EPB41L2: variants seen among roughly 807,000 people sequenced by gnomAD.
EPB41L2 encodes erythrocyte membrane protein band 4.1 like 2.
In EPB41L2, 43 loss-of-function variants were observed where a neutral mutation model predicts 113.0. That is an observed-to-expected ratio of 0.38 (90% CI 0.30 to 0.49). The LOEUF (loss-of-function observed/expected upper bound fraction) is 0.49, where lower values mean the gene tolerates loss of function less well. EPB41L2 is among the 20% of genes least tolerant of loss of function. The pLI, the probability that EPB41L2 is intolerant of heterozygous loss-of-function variation, is 0.95. For synonymous variants in EPB41L2, 442 were observed against 436.7 expected (o/e 1.01, Z -0.15); for missense variants, 1,147 against 1,223.4 (o/e 0.94, Z 0.93).
At chr6:130,866,453 CT>C (rs1783775379) in intron 16 of EPB41L2, among the ~76,000 whole-genome samples, 1 of 152,180 alleles carries the variant, frequency 6.6e-6, no homozygotes, top group African/African-American at 2.4e-5. Context: ...CTCTTTCAAA[CT>C]TGGGTCATGC....
chr6:130,882,807 GGGAGGGGAAGCC>G (rs1562382706), intron 12 of EPB41L2: 2 of 152,874 alleles, frequency 1.3e-5, no homozygotes, highest in African/African-American at 4.8e-5. Flanking sequence ...TCATCAAGAA[GGGAGGGGAAGCC>G]GGAGGGAAAA....
chr6:130,908,626 T>C (rs1260488669), intron 5 of EPB41L2, among the ~76,000 whole-genome samples, 195 bp downstream of exon 5: 4 of 152,304 alleles, frequency 2.6e-5, no homozygotes, highest in Admixed American at 2.6e-4. Flanking sequence ...AATGTGAGTC[T>C]AGAACCTTCC....
At chr6:130,997,542 C>T (rs1783427923) in intron 1 of EPB41L2, among the ~76,000 whole-genome samples, 1 of 152,164 alleles carries the variant, frequency 6.6e-6, no homozygotes, top group African/African-American at 2.4e-5. Flanking sequence ...TATATGACAA[C>T]TGTTACTGTC....
intron 18 of EPB41L2, among the ~76,000 whole-genome samples, chr6:130,861,196 C>G (rs908124241): frequency 6.6e-6 from 1 of 152,008 alleles, no homozygotes; most frequent in African/African-American, 2.4e-5. Context: ...CCTCAGCCTC[C>G]CAAGTAGCTG....
At position 130,894,990 on chromosome 6, in the gene EPB41L2, A is replaced by G. The variant is rs922231868; in HGVS notation, c.1366T>C (p.Tyr456His). The G allele has an allele frequency of 3.1e-6, 5 of 1,613,940 alleles. No homozygotes were observed. The highest frequency in any genetic ancestry group is 1.7e-4 in the Middle Eastern group (1 of 6,056). ...ACCTCTGCCGGTCTGACTTTAATGTAGAAGTTACTGCGTTTATAGGAAATT... is the reference window on the plus strand; with the variant it reads ...ACCTCTGCCGGTCTGACTTTAATGTGGAAGTTACTGCGTTTATAGGAAATT... ...LKISYKRSNF[Y>H]IKVRPAELEQ... Residue 456 changes from tyrosine to histidine, a missense_variant, in exon 9 of 20, where the codon TAC becomes CAC. Physicochemically the swap from Tyr to His is moderately conservative, Grantham distance 83. Transcript: ENST00000337057.
chr6:130,873,417 C>G (rs1369822307), intron 14 of EPB41L2, among the ~76,000 whole-genome samples: 2 of 152,066 alleles, frequency 1.3e-5, no homozygotes, highest in African/African-American at 2.4e-5. Context: ...TGAAGCACCC[C>G]CTCATGTCAG....
At chr6:130,879,783 T>C (rs1036682476) in intron 13 of EPB41L2, among the ~76,000 whole-genome samples, 4 of 152,248 alleles carry the variant, frequency 2.6e-5, no homozygotes, top group Admixed American at 1.3e-4. Context: ...ATCTCTGTTC[T>C]AGTTAATACA....
intron 1 of EPB41L2, among the ~76,000 whole-genome samples, chr6:131,059,999 T>C (rs1348644691): frequency 6.6e-6 from 1 of 152,214 alleles, no homozygotes; most frequent in Non-Finnish European, 1.5e-5. Flanking sequence ...GTGGTATTGA[T>C]CCCTATAAAC....
At chr6:131,054,971 T>C (rs575694163) in intron 1 of EPB41L2, among the ~76,000 whole-genome samples, 2 of 152,366 alleles carry the variant, frequency 1.3e-5, no homozygotes, top group African/African-American at 4.8e-5. Flanking sequence ...CATGACTGCC[T>C]TCAGCATTCC....
chr6:131,055,202 T>A (rs1797370071), intron 1 of EPB41L2, among the ~76,000 whole-genome samples: 1 of 152,188 alleles, frequency 6.6e-6, no homozygotes, highest in Non-Finnish European at 1.5e-5. Flanking sequence ...CAGTACTACC[T>A]GACTTTCTAA....
chr6:131,052,496 C>T (rs904925081), intron 1 of EPB41L2, among the ~76,000 whole-genome samples: 1 of 152,118 alleles, frequency 6.6e-6, no homozygotes, highest in African/African-American at 2.4e-5. Context: ...ATCCTACTGG[C>T]AAGAATTTCA....
intron 6 of EPB41L2, among the ~76,000 whole-genome samples, chr6:130,901,535 T>TA (rs34846638): frequency 0.051 from 7,491 of 147,434 alleles, 248 homozygotes; most frequent in East Asian, 0.12. Context: ...ATTAATAGAT[T>TA]AAAAAAAAAA....
At chr6:130,876,444 T>C (rs1417678202) in intron 14 of EPB41L2, among the ~76,000 whole-genome samples, 1 of 152,222 alleles carries the variant, frequency 6.6e-6, no homozygotes, top group Non-Finnish European at 1.5e-5. Flanking sequence ...AATTGGTTGA[T>C]GTTTCTGTAT....
intron 5 of EPB41L2, among the ~76,000 whole-genome samples, chr6:130,905,183 C>T (rs1258737353): frequency 1.3e-5 from 2 of 152,014 alleles, no homozygotes; most frequent in African/African-American, 4.8e-5. Flanking sequence ...ATAAGTCAAG[C>T]AACCATATCA....
chr6:130,865,624 C>T lies in EPB41L2; in HGVS notation c.2741G>A (p.Gly914Glu). ...TAACGTGCCCGAATCACCACCAGCC[C>T]CGCCATCAATCTTTGGATAGTTGGG... is the stretch of plus-strand genomic sequence containing the variant. Reference protein sequence around the residue: ...ITYESPQIDGGAGGDSGTLLT... With the variant: ...ITYESPQIDGEAGGDSGTLLT... The change falls in exon 17 of 20, where the codon GGG (glycine) becomes GAG (glutamate). Residue 914 changes from glycine to glutamate, a missense_variant. Coordinates refer to ENST00000337057, the MANE Select transcript of EPB41L2 (RefSeq NM_001431.4). The T allele has an allele frequency of 6.2e-7, 1 of 1,614,110 alleles. No individual in the cohort carries two copies. Among genetic ancestry groups the T allele is most frequent in the Non-Finnish European group, 8.5e-7 (1 of 1,179,988 alleles).
chr6:130,927,806 T>C (rs1435791474), intron 3 of EPB41L2, among the ~76,000 whole-genome samples: 1 of 152,090 alleles, frequency 6.6e-6, no homozygotes. Flanking sequence ...TAATAAGCAG[T>C]GTAAGGCCTG....
At chr6:130,926,477 A>G in intron 4 of EPB41L2, 128 bp downstream of exon 4, 1 of 700,030 alleles carries the variant, frequency 1.4e-6, no homozygotes, top group Non-Finnish European at 2.4e-6. Context: ...AGTATTTACC[A>G]AATTTCACAG....
At chr6:131,042,971 T>C (rs1318942801) in intron 1 of EPB41L2, among the ~76,000 whole-genome samples, 3 of 152,182 alleles carry the variant, frequency 2.0e-5, no homozygotes, top group African/African-American at 7.2e-5. Flanking sequence ...ATGGGGAATT[T>C]GGCTTAGGCT....
At position 130,931,715 on chromosome 6, in the gene EPB41L2, A is replaced by G. The variant is rs1806937750; in HGVS notation, c.706-5006T>C. ...GGTGGGGGTGAAGAACCAAGGCACA[A>G]TGCATAATGGTAGCACATAAAAATG... On this transcript the variant is annotated intron_variant, in intron 3 of 19. Coordinates refer to ENST00000337057, the MANE Select transcript of EPB41L2 (RefSeq NM_001431.4). Among the ~76,000 whole-genome samples the G allele has an allele frequency of 2.6e-5, 4 of 152,306 alleles. No individual in the cohort carries two copies. In the South Asian group the frequency reaches 8.3e-4, roughly 32 times the overall value.
Sources: gnomAD v4.1 joint callset for allele counts (sites outside exome capture counted in the v4.1 genomes callset) on GRCh38, gnomAD v4.1.1 for gene constraint, MANE v1.5 for transcripts, NCBI Gene and HGNC (gene_info 2026-07-23, HGNC 2026-07-21) for gene names.